Variants in CLEC3A observed in about 807,000 individuals in gnomAD.
The protein encoded by CLEC3A is C-type (calcium dependent, carbohydrate-recognition domain) lectin, superfamily member 1 (cartilage-derived).
CLEC3A carries 28 observed loss-of-function variants against 20.4 expected under a neutral mutation model. The observed-to-expected ratio is 1.37, with a 90% CI of 1.02 to 1.88. CLEC3A has a LOEUF of 1.88. Among genes scored for constraint, CLEC3A ranks in the 40% most tolerant of loss-of-function variants. The pLI, the probability that CLEC3A is intolerant of heterozygous loss-of-function variation, is 0.00. For synonymous variants in CLEC3A, 110 were observed against 88.1 expected (o/e 1.25, Z -1.39); for missense variants, 357 against 240.4 (o/e 1.48, Z -3.21).
rs1442466988 is a variant in CLEC3A at position 78,030,870 on chromosome 16, G to A, written c.*29G>A. ...TTTCTCCAATGTGTCCTCCAAGCAA[G>A]ATTCATCATAACTTATAGGTTCATG... On this transcript the variant is annotated 3_prime_UTR_variant, in exon 3 of 3. Coordinates refer to ENST00000299642, the MANE Select transcript of CLEC3A (RefSeq NM_005752.6). 1.3e-5 allele frequency: 21 copies of A among 1,573,170 alleles called. No homozygotes were observed. Among genetic ancestry groups the A allele is most frequent in the Non-Finnish European group, 1.8e-5 (21 of 1,160,242 alleles).
rs112982159 is a variant in CLEC3A at position 78,030,691 on chromosome 16, T to A, written c.444T>A (p.Ala148=). Residue 148 remains alanine, a synonymous_variant, in exon 3 of 3, where the codon GCT becomes GCA. Coordinates refer to ENST00000299642, the MANE Select transcript of CLEC3A (RefSeq NM_005752.6). ...AGTTTGTTGACGTCAACGGAATCGCTATCTCCTTCCTCAACTGGGACCGTG... is the reference window on the plus strand; with the variant it reads ...AGTTTGTTGACGTCAACGGAATCGCAATCTCCTTCCTCAACTGGGACCGTG... ...EGKFVDVNGI[A]ISFLNWDRAQ... The A allele has an allele frequency of 6.9e-5, 111 of 1,614,148 alleles. 3 individuals carry two copies. The highest frequency in any genetic ancestry group is 5.9e-4 in the African/African-American group (44 of 75,036).
chr16:78,027,304 A>G (rs964234171), intron 1 of CLEC3A, among the ~76,000 whole-genome samples: 2 of 152,246 alleles, frequency 1.3e-5, no homozygotes, highest in African/African-American at 2.4e-5. Flanking sequence ...ATGAAGAAAA[A>G]TAAGTTTCAA....
At chr16:78,030,343 A>G (rs2030055150) in intron 2 of CLEC3A, 104 bp from the exon 3 acceptor site, 4 of 1,027,002 alleles carry the variant, frequency 3.9e-6, no homozygotes, top group East Asian at 4.8e-5. Context: ...TCTCATCATT[A>G]TCATACTTCA....
rs577247416 is a variant in CLEC3A, at chr16:78,026,445, A to G, written c.116-1662A>G. The stretch of plus-strand genomic sequence containing the variant: ...CGGGACCAAGAAGGTAGAGGCAATC[A>G]CTGTGCAGAAGCAGGTAAGAGGGAT... On this transcript the variant is annotated intron_variant, in intron 1 of 2. Transcript: ENST00000299642. Among the ~76,000 whole-genome samples, 17 of 152,308 alleles carry G rather than the reference A, an allele frequency of 1.1e-4. 1 individual carries two copies. The highest frequency in any genetic ancestry group is 3.6e-4 in the African/African-American group (15 of 41,572).
In CLEC3A at chr16:78,023,425, G is replaced by A. The variant is rs1427192187; in HGVS notation, c.115+684G>A. ...TCAAATTTTGAGTGACTTGAATTGG[G>A]TTAACAGGTTAAAGAAATTGAAAAG... On this transcript the variant is annotated intron_variant, in intron 1 of 2. Coordinates refer to ENST00000299642, the MANE Select transcript of CLEC3A (RefSeq NM_005752.6). 3.9e-5 allele frequency among the ~76,000 whole-genome samples: 6 copies of A among 152,154 alleles called. No individual in the cohort carries two copies. In the South Asian group the frequency reaches 1.2e-3, roughly 32 times the overall value.
In CLEC3A at chr16:78,022,685, C is replaced by T. The variant is rs1290226695; in HGVS notation, c.59C>T (p.Thr20Ile). The T allele has an allele frequency of 6.2e-6, 10 of 1,614,094 alleles. No individual in the cohort carries two copies. In the Middle Eastern group the frequency reaches 6.6e-4, roughly 107 times the overall value. Reference protein sequence around the residue: ...ILVITLLLDQTTSHTSRLKAR... With the variant: ...ILVITLLLDQITSHTSRLKAR... ...GTGATCACCTTACTCCTGGACCAGA[C>T]CACCAGCCACACATCCAGATTAAAA... The change falls in exon 1 of 3, where the codon ACC becomes ATC. Residue 20 changes from threonine (T) to isoleucine (I), a missense_variant. Coordinates refer to ENST00000299642, the MANE Select transcript of CLEC3A (RefSeq NM_005752.6).
rs192245025 is a variant in CLEC3A at position 78,027,969 on chromosome 16, C to T, written c.116-138C>T. 2.3e-3 allele frequency: 1,564 copies of T among 693,080 alleles called. 7 individuals carry two copies. The highest frequency in any genetic ancestry group is 3.3e-3 in the African/African-American group (179 of 54,318). The allele number at this position is 693,080 out of a possible 1,614,324, so 42.9% of individuals were successfully genotyped here. On this transcript the variant is annotated intron_variant, in intron 1 of 2. Coordinates refer to ENST00000299642, the MANE Select transcript of CLEC3A (RefSeq NM_005752.6). ...CTTCGCCAGCCCCAAGTTATTTTCA[C>T]GCATTATTTTTTGTATACACTGGGC...
chr16:78,024,009 G>C (rs530567488), intron 1 of CLEC3A, among the ~76,000 whole-genome samples: 2 of 151,930 alleles, frequency 1.3e-5, no homozygotes, highest in Admixed American at 1.3e-4. Context: ...CGTCAGCCTC[G>C]GCCTCCCAAA....
rs747695818 is a variant in CLEC3A, at chr16:78,022,789, G to C, written c.115+48G>C. 3.1e-6 allele frequency: 5 copies of C among 1,597,080 alleles called. No individual in the cohort carries two copies. The African/African-American group carries it at 4.1e-5, about 13-fold the overall frequency. On this transcript the variant is annotated intron_variant, in intron 1 of 2. Coordinates refer to ENST00000299642, the MANE Select transcript of CLEC3A (RefSeq NM_005752.6). ...CAAAATTCTAGGCTTAGACAGTGTG[G>C]GGAGGTGCTGGACAATGTTAATTTT...
rs775455766 is a variant in CLEC3A, at chr16:78,023,465, C to G, written c.115+724C>G. On this transcript the variant is annotated intron_variant, in intron 1 of 2. Coordinates refer to ENST00000299642, the MANE Select transcript of CLEC3A (RefSeq NM_005752.6). ...AAATTGAAAAGAACAATGATGATAG[C>G]GAGGTGTTTGCAATACGTTGAAACC... 1.4e-4 allele frequency among the ~76,000 whole-genome samples: 22 copies of G among 151,922 alleles called. 1 individual carries two copies. Among genetic ancestry groups the G allele is most frequent in the Non-Finnish European group, 2.9e-4 (20 of 67,980 alleles).
intron 2 of CLEC3A, 146 bp from the exon 3 acceptor site, chr16:78,030,301 G>A (rs1430283539): frequency 6.9e-6 from 5 of 722,072 alleles, no homozygotes; most frequent in Non-Finnish European, 1.1e-5. Flanking sequence ...TGCTTAGCAT[G>A]TTGTCCGGCA....
intron 1 of CLEC3A, among the ~76,000 whole-genome samples, chr16:78,024,713 G>C (rs117195640): frequency 7.2e-5 from 11 of 152,214 alleles, no homozygotes; most frequent in Non-Finnish European, 1.3e-4. Flanking sequence ...AATAATACCA[G>C]TGTTAAAGAG....
Position 78,030,635 on chromosome 16 carries a change from C to G in CLEC3A, c.388C>G (p.Leu130Val). 1 of 1,614,136 alleles carries G rather than the reference C, an allele frequency of 6.2e-7. No homozygotes were observed. The highest frequency in any genetic ancestry group is 8.5e-7 in the Non-Finnish European group (1 of 1,180,036). ...CCTGCCAGGTGTCAATGACTTTTGG[C>G]TGGGCATCAATGACATGGTCACGGA... The part of the protein sequence containing the change: ...RSLPGVNDFW[L>V]GINDMVTEGK... Residue 130 changes from leucine to valine, a missense_variant, in exon 3 of 3, where the codon CTG becomes GTG. Leu to Val is a conservative substitution (Grantham distance 32). Transcript: ENST00000299642.
intron 1 of CLEC3A, among the ~76,000 whole-genome samples, chr16:78,025,287 A>T (rs1167473228): frequency 6.6e-6 from 1 of 152,200 alleles, no homozygotes; most frequent in African/African-American, 2.4e-5. Context: ...CATTGTTTGG[A>T]TGGGTCATCA....
At chr16:78,027,955 C>G (rs1175026944) in intron 1 of CLEC3A, 152 bp from the exon 2 acceptor site, 3 of 656,526 alleles carry the variant, frequency 4.6e-6, no homozygotes, top group Non-Finnish European at 7.9e-6. Flanking sequence ...TTCGCCAGCC[C>G]CAAGTTATTT....
At chr16:78,023,906 T>C in intron 1 of CLEC3A, among the ~76,000 whole-genome samples, 1 of 151,832 alleles carries the variant, frequency 6.6e-6, no homozygotes, top group East Asian at 1.9e-4. Flanking sequence ...TACAGGCGCC[T>C]GCCACCACGC....
In CLEC3A at chr16:78,031,444, T is replaced by G. The variant is rs1160204035; in HGVS notation, c.*603T>G. On this transcript the variant is annotated 3_prime_UTR_variant, in exon 3 of 3. Coordinates refer to ENST00000299642, the MANE Select transcript of CLEC3A (RefSeq NM_005752.6). ...GAGGTTCTGATTTGATTTTTTTTTT[T>G]TCTTCATGCCTACCCTTTTTTTGGA... 6.6e-6 allele frequency: 1 copy of G among 152,156 alleles called. No individual in the cohort carries two copies. The allele number at this position is 152,156 out of a possible 1,614,324, so 9.4% of individuals were successfully genotyped here.
At chr16:78,029,370 T>C (rs938562924) in intron 2 of CLEC3A, among the ~76,000 whole-genome samples, 5 of 152,140 alleles carry the variant, frequency 3.3e-5, no homozygotes, top group East Asian at 1.9e-4. Flanking sequence ...AATTGATTGA[T>C]TGATTGATTG....
chr16:78,022,617 C>T lies in CLEC3A; in HGVS notation c.-10C>T, dbSNP rs370125303. The T allele has an allele frequency of 1.2e-5, 20 of 1,613,640 alleles. No individual in the cohort carries two copies. In the African/African-American group the frequency reaches 2.5e-4, roughly 20 times the overall value. On this transcript the variant is annotated 5_prime_UTR_variant, in exon 1 of 3. Coordinates refer to ENST00000299642, the MANE Select transcript of CLEC3A (RefSeq NM_005752.6). Reference sequence around the variant, plus strand: ...CTGGCAACATGGCTCAGCAGGCTTGCCCCAGAGCCATGGCAAAGAATGGAC... The same window carrying T: ...CTGGCAACATGGCTCAGCAGGCTTGTCCCAGAGCCATGGCAAAGAATGGAC...
Sources: gnomAD v4.1 joint callset for allele counts (sites outside exome capture counted in the v4.1 genomes callset) on GRCh38, gnomAD v4.1.1 for gene constraint, MANE v1.5 for transcripts, NCBI Gene and HGNC (gene_info 2026-07-23, HGNC 2026-07-21) for gene names.